Variants in TNIP3 observed in about 807,000 individuals in gnomAD.
The protein encoded by TNIP3 is TNFAIP3-interacting protein 3.
A neutral mutation model predicts 54.1 loss-of-function variants in TNIP3; 34 were observed. That is an observed-to-expected ratio of 0.63 (90% CI 0.48 to 0.84). The LOEUF is 0.84. Among genes scored for constraint, TNIP3 ranks in the 40% least tolerant of loss-of-function variants. The pLI is 0.00. For missense variants in TNIP3, 366 were observed against 387.6 expected, an observed-to-expected ratio of 0.94 and a Z score of 0.47; for synonymous variants, 134 against 136.8, an observed-to-expected ratio of 0.98 and a Z score of 0.14.
upstream of TNIP3, among the ~76,000 whole-genome samples, chr4:121,221,059 C>A (rs1474245069): frequency 6.6e-6 from 1 of 152,112 alleles, no homozygotes; most frequent in East Asian, 1.9e-4. Flanking sequence ...TTTTGGTTTA[C>A]TGTTAGCAAT....
At chr4:121,208,048 A>G (rs1345084642) in intron 2 of TNIP3, among the ~76,000 whole-genome samples, 2 of 152,124 alleles carry the variant, frequency 1.3e-5, no homozygotes, top group East Asian at 1.9e-4. Flanking sequence ...TGCGGCCGCC[A>G]TGATTCTGAG....
rs748513826 is a variant in TNIP3, at chr4:121,158,765, A to G, written c.148-13T>C. 1.2e-6 allele frequency: 2 copies of G among 1,600,984 alleles called. No individual in the cohort carries two copies. The highest frequency in any genetic ancestry group is 1.7e-6 in the Non-Finnish European group (2 of 1,175,764). ...TAACTTCCAGGAGCTGAAATCATTA[A>G]AATTTGGTGAATCAACAAAGAATTT... is the stretch of plus-strand genomic sequence containing the variant. On this transcript the variant is annotated splice_polypyrimidine_tract_variant and intron_variant, in intron 2 of 10. Transcript: ENST00000057513.
chr4:121,190,705 A>G (rs1270132239), intron 2 of TNIP3, among the ~76,000 whole-genome samples: 2 of 152,220 alleles, frequency 1.3e-5, no homozygotes, highest in African/African-American at 4.8e-5. Context: ...AATTAAAGCC[A>G]TAGTCAGGCC....
At chr4:121,175,606 C>T (rs1724269745) in intron 3 of TNIP3, among the ~76,000 whole-genome samples, 1 of 152,208 alleles carries the variant, frequency 6.6e-6, no homozygotes, top group South Asian at 2.1e-4. Context: ...TTTTCTGTAA[C>T]TCTTTCTTTT....
intron 1 of TNIP3, among the ~76,000 whole-genome samples, chr4:121,222,388 G>T (rs1727066397): frequency 6.6e-6 from 1 of 152,126 alleles, no homozygotes; most frequent in African/African-American, 2.4e-5. Flanking sequence ...AAGGATGATT[G>T]GGTTTAGAGT....
intron 2 of TNIP3, among the ~76,000 whole-genome samples, chr4:121,197,993 A>G (rs1469894679): frequency 6.6e-6 from 1 of 152,240 alleles, no homozygotes. Flanking sequence ...GGCAAAGGCA[A>G]TTTTAAATAT....
intron 2 of TNIP3, among the ~76,000 whole-genome samples, chr4:121,194,973 G>C (rs1354690989): frequency 2.0e-5 from 3 of 152,098 alleles, no homozygotes; most frequent in Non-Finnish European, 4.4e-5. Context: ...TTCGAGACCA[G>C]CCTGGTCAAC....
chr4:121,213,799 T>C (rs1229724010), intron 2 of TNIP3, among the ~76,000 whole-genome samples: 1 of 151,496 alleles, frequency 6.6e-6, no homozygotes, highest in East Asian at 1.9e-4. Flanking sequence ...TTAGAAAAAT[T>C]AAAATATTAA....
At chr4:121,192,856 G>T (rs1230143624) in intron 2 of TNIP3, 2 of 152,038 alleles carry the variant, frequency 1.3e-5, no homozygotes, top group East Asian at 3.8e-4. Context: ...CGTGCTAATT[G>T]CCTCTGTATT....
intron 2 of TNIP3, among the ~76,000 whole-genome samples, chr4:121,189,210 A>G (rs1001241240): frequency 7.2e-5 from 11 of 152,012 alleles, no homozygotes. Flanking sequence ...TCCTCCACAC[A>G]CTCGCCTACC....
chr4:121,179,556 C>A (rs545781520), intron 3 of TNIP3, among the ~76,000 whole-genome samples: 3 of 152,142 alleles, frequency 2.0e-5, no homozygotes, highest in Non-Finnish European at 4.4e-5. Flanking sequence ...AAGTTTTAAC[C>A]ACTTTTAGGT....
chr4:121,181,351 G>C (rs1386535242), intron 3 of TNIP3, among the ~76,000 whole-genome samples: 1 of 152,182 alleles, frequency 6.6e-6, no homozygotes, highest in Non-Finnish European at 1.5e-5. Flanking sequence ...TTTCTAGTTG[G>C]GAGTTGGAGG....
At chr4:121,144,587 A>T (rs1435161149) in intron 7 of TNIP3, among the ~76,000 whole-genome samples, 1 of 152,112 alleles carries the variant, frequency 6.6e-6, no homozygotes, top group Non-Finnish European at 1.5e-5. Context: ...CTTTTAGTAG[A>T]GACAGGGTTT....
At chr4:121,216,484 A>G (rs1282023912) in exon 2 of TNIP3, 1 of 1,535,804 alleles carries the variant, frequency 6.5e-7, no homozygotes, top group South Asian at 1.2e-5. Flanking sequence ...TTTGTTCATG[A>G]GCCATCCACA....
At position 121,161,116 on chromosome 4, in the gene TNIP3, A is replaced by G; in HGVS notation, c.147+20T>C. ...ATTAATCCATGGCACCTGTGGCTTT[A>G]GCGAATATTTCTAAGTTACCTCTTT... On this transcript the variant is annotated intron_variant, in intron 2 of 10. Coordinates refer to ENST00000057513, the MANE Select transcript of TNIP3 (RefSeq NM_024873.6). 1 of 1,538,492 alleles carries G rather than the reference A, an allele frequency of 6.5e-7. No homozygotes were observed. Among genetic ancestry groups the G allele is most frequent in the Non-Finnish European group, 8.9e-7 (1 of 1,127,454 alleles).
intron 10 of TNIP3, among the ~76,000 whole-genome samples, chr4:121,137,122 C>A (rs1728833425): frequency 6.6e-6 from 1 of 152,066 alleles, no homozygotes; most frequent in Admixed American, 6.6e-5. Flanking sequence ...CAGCAAGAAT[C>A]TAATAATGAT....
At chr4:121,150,050 T>A in intron 6 of TNIP3, 53 bp downstream of exon 6, 1 of 1,145,606 alleles carries the variant, frequency 8.7e-7, no homozygotes, top group East Asian at 2.4e-5. Context: ...CAAAGAAGCA[T>A]GAAAAATGGG....
chr4:121,164,262 C>G lies in TNIP3; in HGVS notation c.-137G>C. On this transcript the variant is annotated 5_prime_UTR_variant, in exon 1 of 11. Transcript: ENST00000057513. The stretch of plus-strand genomic sequence containing the variant: ...ACCGTTAACTCATAATAGAAAATAA[C>G]AGCAATAGGTTTTCATTAAAAATGA... 3 of 1,472,234 alleles carry G rather than the reference C, an allele frequency of 2.0e-6. No individual in the cohort carries two copies. The highest frequency in any genetic ancestry group is 2.7e-6 in the Non-Finnish European group (3 of 1,115,060). The allele number at this position is 1,472,234 out of a possible 1,614,324, so 91.2% of individuals were successfully genotyped here.
intron 2 of TNIP3, among the ~76,000 whole-genome samples, chr4:121,197,865 G>A (rs565199416): frequency 1.4e-4 from 21 of 152,286 alleles, no homozygotes; most frequent in African/African-American, 3.6e-4. Flanking sequence ...GCAATGGAAT[G>A]TCATGGTATA....
Sources: gnomAD v4.1 joint callset for allele counts (sites outside exome capture counted in the v4.1 genomes callset) on GRCh38, gnomAD v4.1.1 for gene constraint, MANE v1.5 for transcripts, NCBI Gene and HGNC (gene_info 2026-07-23, HGNC 2026-07-21) for gene names.